PRIM2: variants seen among roughly 807,000 people sequenced by gnomAD.
PRIM2 encodes the protein DNA primase large subunit.
PRIM2 carries 39 observed loss-of-function variants against 67.3 expected under a neutral mutation model. That is an observed-to-expected ratio of 0.58 (90% CI 0.45 to 0.76). The LOEUF is 0.76. PRIM2 is among the 30% of genes least tolerant of loss of function. The pLI is 0.00. For missense variants in PRIM2, 398 were observed against 598.7 expected, an observed-to-expected ratio of 0.66 and a Z score of 3.50; for synonymous variants, 143 against 198.7, an observed-to-expected ratio of 0.72 and a Z score of 2.36.
At chr6:57,228,777 C>T in the PRIM2 span, among the ~76,000 whole-genome samples, 24 of 152,304 alleles carry the variant, frequency 1.6e-4, no homozygotes, top group Middle Eastern at 3.4e-3. Context: ...AATCTCTCAG[C>T]GCCTCAGTTT....
chr6:57,545,495 A>T (rs1319351834), intron 10 of PRIM2, among the ~76,000 whole-genome samples: 1 of 152,066 alleles, frequency 6.6e-6, no homozygotes, highest in East Asian at 1.9e-4. Context: ...CAGTGGCGTG[A>T]TCTCAGCTCA....
intron 7 of PRIM2, among the ~76,000 whole-genome samples, chr6:57,457,122 T>C (rs1284987033): frequency 8.2e-6 from 1 of 121,898 alleles, no homozygotes; most frequent in African/African-American, 3.2e-5. Context: ...GAGCAGCAAA[T>C]GTTCCTGCCT....
At chr6:57,356,634 G>A in intron 5 of PRIM2, among the ~76,000 whole-genome samples, 1 of 152,170 alleles carries the variant, frequency 6.6e-6, no homozygotes. Context: ...TTAGGGATAT[G>A]TGTAAATTGT....
chr6:57,352,707 T>C (rs1768897219), intron 5 of PRIM2, among the ~76,000 whole-genome samples: 1 of 148,528 alleles, frequency 6.7e-6, no homozygotes, highest in Non-Finnish European at 1.5e-5. Flanking sequence ...AGGAACCCAG[T>C]TGTATCTGGC....
chr6:57,460,867 A>G (rs1369580461), intron 7 of PRIM2, among the ~76,000 whole-genome samples: 1 of 152,224 alleles, frequency 6.6e-6, no homozygotes, highest in African/African-American at 2.4e-5. Flanking sequence ...TACCTGAGCA[A>G]TGTTCCAGCT....
chr6:57,594,337 A>G (rs1776330155), intron 10 of PRIM2, among the ~76,000 whole-genome samples: 6 of 152,346 alleles, frequency 3.9e-5, no homozygotes, highest in Non-Finnish European at 5.9e-5. Flanking sequence ...TTATATGGAA[A>G]TGCAAGGACG....
chr6:57,318,210 C>T (rs1453815830), intron 1 of PRIM2, among the ~76,000 whole-genome samples: 1 of 152,162 alleles, frequency 6.6e-6, no homozygotes, highest in Non-Finnish European at 1.5e-5. Context: ...CCTGCATCTG[C>T]TCTAGCGCCT....
chr6:57,306,416 C>A, the PRIM2 span, among the ~76,000 whole-genome samples: 1 of 152,080 alleles, frequency 6.6e-6, no homozygotes, highest in African/African-American at 2.4e-5. Context: ...GTCATTATAG[C>A]AAGAGACGAA....
chr6:57,336,173 G>C (rs1478560839), intron 5 of PRIM2, among the ~76,000 whole-genome samples: 3 of 152,110 alleles, frequency 2.0e-5, no homozygotes, highest in Non-Finnish European at 4.4e-5. Flanking sequence ...AGAATAAAAA[G>C]AAATGAGCAA....
the PRIM2 span, among the ~76,000 whole-genome samples, chr6:57,266,147 T>G: frequency 6.6e-6 from 1 of 152,134 alleles, no homozygotes; most frequent in Non-Finnish European, 1.5e-5. Context: ...GAATTTCCAT[T>G]TTACTCTAAA....
At chr6:57,486,510 A>G (rs1773756340) in intron 7 of PRIM2, among the ~76,000 whole-genome samples, 1 of 152,222 alleles carries the variant, frequency 6.6e-6, no homozygotes, top group Non-Finnish European at 1.5e-5. Context: ...CTGAAGCCTT[A>G]TGTTCTTAGT....
At chr6:57,600,805 T>G (rs1292476236) in intron 10 of PRIM2, among the ~76,000 whole-genome samples, 5 of 152,352 alleles carry the variant, frequency 3.3e-5, no homozygotes, top group Admixed American at 2.0e-4. Context: ...AATCCATTAT[T>G]CTTCTCAGGA....
chr6:57,400,179 G>A (rs1770657901), intron 7 of PRIM2, among the ~76,000 whole-genome samples: 1 of 152,272 alleles, frequency 6.6e-6, no homozygotes. Flanking sequence ...GCTTGTTTGT[G>A]TGGTTGCTTT....
At chr6:57,241,461 T>C in the PRIM2 span, among the ~76,000 whole-genome samples, 3 of 150,436 alleles carry the variant, frequency 2.0e-5, no homozygotes, top group Admixed American at 6.6e-5. Flanking sequence ...AGGAAGTTGA[T>C]AGATGTGTAA....
chr6:57,328,369 C>T, intron 5 of PRIM2, among the ~76,000 whole-genome samples: 1 of 152,276 alleles, frequency 6.6e-6, no homozygotes, highest in East Asian at 1.9e-4. Flanking sequence ...CCTCTCCCAA[C>T]CCTTGGCAAC....
intron 6 of PRIM2, 121 bp downstream of exon 6, chr6:57,380,117 A>T: frequency 1.3e-6 from 1 of 746,252 alleles, no homozygotes; most frequent in Non-Finnish European, 2.1e-6. Context: ...TGTCTCCTGC[A>T]CAGATACTGT....
intron 7 of PRIM2, among the ~76,000 whole-genome samples, chr6:57,444,038 A>G (rs72873568): frequency 2.6e-4 from 40 of 152,130 alleles, no homozygotes; most frequent in Non-Finnish European, 5.1e-4. Flanking sequence ...TTCCCATTGT[A>G]TATTTTTGAC....
intron 7 of PRIM2, among the ~76,000 whole-genome samples, chr6:57,408,119 A>G (rs1770961348): frequency 6.6e-6 from 1 of 152,242 alleles, no homozygotes; most frequent in African/African-American, 2.4e-5. Flanking sequence ...GTGAGCATAA[A>G]TGTGCCAATC....
chr6:57,434,171 C>T (rs931357386), intron 7 of PRIM2, among the ~76,000 whole-genome samples: 8 of 151,878 alleles, frequency 5.3e-5, no homozygotes, highest in African/African-American at 1.9e-4. Flanking sequence ...GTGATCTACC[C>T]GCCTCGGCCT....
Sources: allele counts gnomAD v4.1 joint callset (sites outside exome capture counted in the v4.1 genomes callset), GRCh38; gene constraint gnomAD v4.1.1; transcripts MANE v1.5; gene names NCBI Gene and HGNC (gene_info 2026-07-23, HGNC 2026-07-21).